OLAH: variants seen among roughly 807,000 people sequenced by gnomAD.
OLAH encodes the protein S-acyl fatty acid synthase thioesterase, medium chain.
OLAH carries 33 observed loss-of-function variants against 27.8 expected under a neutral mutation model. That is an observed-to-expected ratio of 1.19 (90% CI 0.90 to 1.59). OLAH has a LOEUF of 1.59. Ranked by LOEUF, OLAH falls within the 40% of genes most tolerant of loss-of-function variation. The pLI is 0.00. For missense variants in OLAH, 359 were observed against 310.8 expected (o/e 1.16, Z -1.17); for synonymous variants, 120 against 102.9 (o/e 1.17, Z -1.01).
rs752500462 is a variant in OLAH at position 15,049,100 on chromosome 10, C to CTTT, written c.33-517_33-515dup. 7.6e-4 allele frequency among the ~76,000 whole-genome samples: 42 copies of CTTT among 55,318 alleles called. 1 individual carries two copies. Among genetic ancestry groups the CTTT allele is most frequent in the Non-Finnish European group, 9.0e-4 (26 of 29,002 alleles). 36.3% of individuals were successfully genotyped at this position (55,318 alleles called of 152,430 possible). ...CCTGGGCAACAAAGTGAGACTATGT[C>CTTT]TTTTTTTTTTTTTTTTTTTTGGAGA... On this transcript the variant is annotated intron_variant, in intron 2 of 7. Coordinates refer to ENST00000378228, the MANE Select transcript of OLAH (RefSeq NM_001039702.3).
At chr10:15,037,246 C>T (rs1843854408) in intron 1 of OLAH, among the ~76,000 whole-genome samples, 1 of 151,796 alleles carries the variant, frequency 6.6e-6, no homozygotes, top group Non-Finnish European at 1.5e-5. Flanking sequence ...TAGAGACATA[C>T]AGAACAGTTT....
At chr10:15,071,279 T>C (rs1057120080) in intron 6 of OLAH, among the ~76,000 whole-genome samples, 1 of 152,126 alleles carries the variant, frequency 6.6e-6, no homozygotes, top group Non-Finnish European at 1.5e-5. Flanking sequence ...CATCTCTCTC[T>C]AGTTGAATGA....
At chr10:15,047,063 G>A in intron 1 of OLAH, 63 bp from the exon 2 acceptor site, 1 of 460,060 alleles carries the variant, frequency 2.2e-6, no homozygotes, top group Non-Finnish European at 3.9e-6. Flanking sequence ...CATCACCACT[G>A]TCATTTTTTT....
chr10:15,067,222 T>C (rs1211528785), intron 6 of OLAH, among the ~76,000 whole-genome samples: 2 of 152,180 alleles, frequency 1.3e-5, no homozygotes, highest in South Asian at 2.1e-4. Context: ...AATGCAATCA[T>C]GGATGCAAAA....
intron 1 of OLAH, among the ~76,000 whole-genome samples, chr10:15,045,789 C>G (rs1589238595): frequency 6.6e-6 from 1 of 152,104 alleles, no homozygotes; most frequent in African/African-American, 2.4e-5. Flanking sequence ...AGATAAAGAC[C>G]TTTATAAATG....
At chr10:15,060,427 G>A (rs1278649017) in intron 3 of OLAH, among the ~76,000 whole-genome samples, 1 of 151,962 alleles carries the variant, frequency 6.6e-6, no homozygotes, top group Non-Finnish European at 1.5e-5. Flanking sequence ...ACCTCGGCCT[G>A]CCAAAGTGCT....
chr10:15,061,744 G>A lies in OLAH; in HGVS notation c.184G>A (p.Gly62Arg). Residue 62 changes from glycine to arginine, a missense_variant, in exon 4 of 8, where the codon GGA becomes AGA. By Grantham distance (125) the Gly-to-Arg change is moderately radical (BLOSUM62 -2). Transcript: ENST00000378228. The stretch of plus-strand genomic sequence containing the variant: ...TCCAGTGCACTCCTTAAGGCTTCCT[G>A]GAAGAGAAAGCAGAGTTGAAGAACC... ...LLEVHSLRLP[G>R]RESRVEEPLE... 2 of 1,612,570 alleles carry A rather than the reference G, an allele frequency of 1.2e-6. No individual in the cohort carries two copies. The highest frequency in any genetic ancestry group is 1.7e-6 in the Non-Finnish European group (2 of 1,179,450).
At chr10:15,062,401 T>C (rs924325287) in intron 4 of OLAH, among the ~76,000 whole-genome samples, 1 of 152,022 alleles carries the variant, frequency 6.6e-6, no homozygotes, top group Non-Finnish European at 1.5e-5. Context: ...CAAGCAGAAA[T>C]TGAAAAATAA....
chr10:15,043,428 T>C (rs1437336163), upstream of OLAH, among the ~76,000 whole-genome samples: 4 of 152,056 alleles, frequency 2.6e-5, no homozygotes, highest in Non-Finnish European at 5.9e-5. Context: ...TAGTCAGTAA[T>C]TCTGAAAGTC....
chr10:15,073,081 T>C lies in OLAH; in HGVS notation c.656-6T>C. On this transcript the variant is annotated splice_polypyrimidine_tract_variant and splice_region_variant and intron_variant, in intron 7 of 7. Transcript: ENST00000378228. ...TGTTATTGAATACAATCTTGTTTAT[T>C]TTCAGCCTGGAAAGATGTAACCAGT... The C allele has an allele frequency of 6.2e-7, 1 of 1,611,374 alleles. No homozygotes were observed. The highest frequency in any genetic ancestry group is 8.5e-7 in the Non-Finnish European group (1 of 1,179,184).
intron 7 of OLAH, among the ~76,000 whole-genome samples, chr10:15,072,644 G>A (rs1003632717): frequency 1.3e-4 from 20 of 152,036 alleles, no homozygotes; most frequent in East Asian, 9.7e-4. Flanking sequence ...CTGTGTGAGC[G>A]AGAAGTTTTA....
At chr10:15,042,767 A>C (rs1264769190), upstream of OLAH, among the ~76,000 whole-genome samples, 1 of 151,560 alleles carries the variant, frequency 6.6e-6, no homozygotes, top group Non-Finnish European at 1.5e-5. Flanking sequence ...GCACAAAGGC[A>C]GAATGCATTA....
intron 3 of OLAH, among the ~76,000 whole-genome samples, chr10:15,060,900 C>G (rs1844349352): frequency 6.6e-6 from 1 of 152,114 alleles, no homozygotes. Flanking sequence ...AGACTTTGCT[C>G]TAGCAAGCAA....
chr10:15,062,740 T>C (rs1338889677), intron 4 of OLAH, among the ~76,000 whole-genome samples: 1 of 151,470 alleles, frequency 6.6e-6, no homozygotes, highest in Non-Finnish European at 1.5e-5. Flanking sequence ...CAGTGAACAT[T>C]CTTTTTTTTT....
intron 3 of OLAH, among the ~76,000 whole-genome samples, chr10:15,058,474 A>G (rs1437632211): frequency 6.6e-6 from 1 of 152,208 alleles, no homozygotes. Flanking sequence ...GAATCTTATA[A>G]GAGTGTTATT....
intron 6 of OLAH, chr10:15,071,453 T>C (rs747420452): frequency 1.1e-6 from 1 of 910,894 alleles, no homozygotes; most frequent in Non-Finnish European, 1.3e-6. Context: ...AACCCTCTGC[T>C]GGGCCAAGGA....
intron 1 of OLAH, among the ~76,000 whole-genome samples, chr10:15,035,886 T>G (rs1843833928): frequency 6.6e-6 from 1 of 152,122 alleles, no homozygotes; most frequent in African/African-American, 2.4e-5. Flanking sequence ...CTCCACTGTC[T>G]CCTTTCATTG....
intron 3 of OLAH, among the ~76,000 whole-genome samples, chr10:15,053,572 G>C (rs1844186712): frequency 6.6e-6 from 1 of 152,204 alleles, no homozygotes; most frequent in Admixed American, 6.5e-5. Context: ...AATCAAGGTA[G>C]AAGGGATGCA....
At chr10:15,057,061 C>A (rs531148658) in intron 3 of OLAH, 3 of 1,282,786 alleles carry the variant, frequency 2.3e-6, no homozygotes, top group South Asian at 5.6e-5. Flanking sequence ...CTCACAGAAG[C>A]TTTAAATTTT....
Sources: gnomAD v4.1 joint callset for allele counts (sites outside exome capture counted in the v4.1 genomes callset) on GRCh38, gnomAD v4.1.1 for gene constraint, MANE v1.5 for transcripts, NCBI Gene and HGNC (gene_info 2026-07-23, HGNC 2026-07-21) for gene names.